SMAD4: variants seen among roughly 807,000 people sequenced by gnomAD.
SMAD4 encodes the protein SMAD family member 4, also known as MAD homolog 4.
A neutral mutation model predicts 63.2 loss-of-function variants in SMAD4; 7 were observed. The observed-to-expected ratio is 0.11, with a 90% CI of 0.06 to 0.21. The LOEUF (loss-of-function observed/expected upper bound fraction) is 0.21, where lower values mean the gene tolerates loss of function less well. Ranked by LOEUF, SMAD4 falls within the 10% of genes least tolerant of loss-of-function variation. The pLI, the probability that SMAD4 is intolerant of heterozygous loss-of-function variation, is 1.00. For synonymous variants in SMAD4, 215 were observed against 235.4 expected, an observed-to-expected ratio of 0.91 and a Z score of 0.79; for missense variants, 312 against 693.8, an observed-to-expected ratio of 0.45 and a Z score of 6.18.
chr18:51,076,891 GGAT>G, intron 11 of SMAD4, 115 bp downstream of exon 11: 7 of 749,516 alleles, frequency 9.3e-6, no homozygotes, highest in Non-Finnish European at 1.5e-5. Flanking sequence ...TTTTTTACTG[GGAT>G]GATGACATTT....
At chr18:51,076,973 G>C in intron 11 of SMAD4, 197 bp downstream of exon 11, 2 of 499,682 alleles carry the variant, frequency 4.0e-6, no homozygotes, top group Non-Finnish European at 7.1e-6. Context: ...CATTCTTTTT[G>C]TATCAAAAAT....
intron 6 of SMAD4, 22 bp from the exon 7 acceptor site, chr18:51,058,318 C>T: frequency 1.9e-6 from 3 of 1,609,226 alleles, no homozygotes; most frequent in Non-Finnish European, 2.5e-6. Flanking sequence ...GCAAATTAAC[C>T]CATGTGGGCC....
chr18:51,055,356 G>A (rs1909815500), intron 5 of SMAD4, among the ~76,000 whole-genome samples: 1 of 151,944 alleles, frequency 6.6e-6, no homozygotes, highest in Non-Finnish European at 1.5e-5. Flanking sequence ...CTTTTAATGC[G>A]GTGTTCTTAT....
chr18:51,076,572 C>G lies in SMAD4; in HGVS notation c.1309-66C>G, dbSNP rs967852472. 3.6e-6 allele frequency: 5 copies of G among 1,399,744 alleles called. No homozygotes were observed. The African/African-American group carries it at 7.1e-5, about 20-fold the overall frequency. 86.7% of individuals were successfully genotyped at this position (1,399,744 alleles called of 1,614,324 possible). A position where few individuals can be genotyped will look rare whatever the true frequency, so the allele number is the denominator to read the frequency against. Reference sequence around the variant, plus strand: ...GAAACTGAGTTTTAAATAAGTCAGGCATTGGTTTTTAATGTATGGAATTTT... The same window carrying G: ...GAAACTGAGTTTTAAATAAGTCAGGGATTGGTTTTTAATGTATGGAATTTT... On this transcript the variant is annotated intron_variant, in intron 10 of 11. Transcript: ENST00000342988.
intron 10 of SMAD4, among the ~76,000 whole-genome samples, chr18:51,072,431 G>C (rs1412996664): frequency 6.6e-6 from 1 of 151,970 alleles, no homozygotes; most frequent in East Asian, 1.9e-4. Flanking sequence ...CTAGGTCAGA[G>C]GGTATTATGA....
rs1910680904 is a variant in SMAD4 at position 51,084,008 on chromosome 18, GCGCGCA to G, written c.*5543_*5548del. On this transcript the variant is annotated 3_prime_UTR_variant, in exon 12 of 12. Transcript: ENST00000342988. Reference sequence around the variant, plus strand: ...ACACTTAACGCGCGTGCGCACGCGCGCGCGCACACACACACACACACACACACACAC... The same window carrying G: ...ACACTTAACGCGCGTGCGCACGCGCGCACACACACACACACACACACACAC... 4.6e-5 allele frequency: 3 copies of G among 65,518 alleles called. No individual in the cohort carries two copies. The highest frequency in any genetic ancestry group is 2.9e-4 in the Admixed American group (1 of 3,494). 4.1% of individuals were successfully genotyped at this position (65,518 alleles called of 1,614,324 possible).
intron 11 of SMAD4, among the ~76,000 whole-genome samples, chr18:51,077,818 C>T (rs538968005): frequency 6.6e-6 from 1 of 152,266 alleles, no homozygotes; most frequent in African/African-American, 2.4e-5. Context: ...TCTCGGTCAT[C>T]TAAGAGGTCT....
At chr18:51,032,635 C>T (rs1909084911) in intron 1 of SMAD4, among the ~76,000 whole-genome samples, 1 of 152,116 alleles carries the variant, frequency 6.6e-6, no homozygotes, top group South Asian at 2.1e-4. Context: ...GAGAATTAAC[C>T]TAATTTATGC....
At chr18:51,058,541 A>G in intron 7 of SMAD4, 85 bp downstream of exon 7, 1 of 881,770 alleles carries the variant, frequency 1.1e-6, no homozygotes, top group South Asian at 1.4e-5. Context: ...ATGTTTTTAC[A>G]TCTTTTATTC....
chr18:51,032,403 A>G (rs1342246443), intron 1 of SMAD4, among the ~76,000 whole-genome samples: 2 of 152,338 alleles, frequency 1.3e-5, no homozygotes, highest in Middle Eastern at 3.4e-3. Context: ...TGTGCCGAGA[A>G]AGTCACTTTG....
chr18:51,065,454 T>G lies in SMAD4; in HGVS notation c.987T>G (p.Phe329Leu), dbSNP rs572960016. The change falls in exon 9 of 12, where the codon TTT (phenylalanine) becomes TTG (leucine). Residue 329 changes from phenylalanine to leucine, a missense_variant. By Grantham distance (22) the Phe-to-Leu change is conservative (BLOSUM62 0). Around this residue, in one of 4 missense-constraint regions of SMAD4, gnomAD observed 92 missense variants for 305.9 expected, o/e 0.30. Transcript: ENST00000342988. Reference protein sequence around the residue: ...APEYWCSIAYFEMDVQVGETF... With the variant: ...APEYWCSIAYLEMDVQVGETF... Reference sequence around the variant, plus strand: ...AGTATTGGTGTTCCATTGCTTACTTTGAAATGGATGTTCAGGTAGGAGAGA... The same window carrying G: ...AGTATTGGTGTTCCATTGCTTACTTGGAAATGGATGTTCAGGTAGGAGAGA... 1 of 1,613,996 alleles carries G rather than the reference T, an allele frequency of 6.2e-7. No homozygotes were observed. Among genetic ancestry groups the G allele is most frequent in the South Asian group, 1.1e-5 (1 of 91,082 alleles).
At chr18:51,066,155 C>A (rs553595652) in intron 9 of SMAD4, among the ~76,000 whole-genome samples, 5 of 151,980 alleles carry the variant, frequency 3.3e-5, no homozygotes, top group Admixed American at 3.3e-4. Flanking sequence ...AGTTCGAGAC[C>A]AGCCTGGCCA....
At chr18:51,073,808 G>A (rs1318177203) in intron 10 of SMAD4, among the ~76,000 whole-genome samples, 1 of 152,078 alleles carries the variant, frequency 6.6e-6, no homozygotes, top group Non-Finnish European at 1.5e-5. Flanking sequence ...TGGGATTACA[G>A]GAGAGAGCCA....
rs1274420420 is a variant in SMAD4 at position 51,078,578 on chromosome 18, A to G, written c.*111A>G. 1 of 823,430 alleles carries G rather than the reference A, an allele frequency of 1.2e-6. No homozygotes were observed. Among genetic ancestry groups the G allele is most frequent in the Non-Finnish European group, 1.9e-6 (1 of 525,852 alleles). 51.0% of individuals were successfully genotyped at this position (823,430 alleles called of 1,614,324 possible). A position where few individuals can be genotyped will look rare whatever the true frequency, so the allele number is the denominator to read the frequency against. On this transcript the variant is annotated 3_prime_UTR_variant, in exon 12 of 12. Coordinates refer to ENST00000342988, the MANE Select transcript of SMAD4 (RefSeq NM_005359.6). ...CTTTTGTTCTGCTTTATCTTTTCATAAAGGGTTGAAAATGTGTTTGCTGCC... is the reference window on the plus strand; with the variant it reads ...CTTTTGTTCTGCTTTATCTTTTCATGAAGGGTTGAAAATGTGTTTGCTGCC...
intron 1 of SMAD4, among the ~76,000 whole-genome samples, chr18:51,035,846 A>AT (rs1399132049): frequency 2.6e-5 from 4 of 151,906 alleles, no homozygotes; most frequent in Non-Finnish European, 5.9e-5. Flanking sequence ...AAATAAAAAT[A>AT]TTTTTTCCCA....
intron 10 of SMAD4, among the ~76,000 whole-genome samples, chr18:51,071,588 G>A (rs771361082): frequency 3.9e-5 from 6 of 152,088 alleles, no homozygotes; most frequent in Admixed American, 6.6e-5. Context: ...AGCACTGGGC[G>A]TTTCAAGTTT....
chr18:51,045,159 G>C (rs2144396365), intron 1 of SMAD4: 1 of 152,356 alleles, frequency 6.6e-6, no homozygotes. Flanking sequence ...GTAACGGAAT[G>C]TAGGGATAGT....
rs1910627690 is a variant in SMAD4 at position 51,082,227 on chromosome 18, T to TC, written c.*3763dup. On this transcript the variant is annotated 3_prime_UTR_variant, in exon 12 of 12. Coordinates refer to ENST00000342988, the MANE Select transcript of SMAD4 (RefSeq NM_005359.6). ...CAGCTTAAAGTAATGCATTTTTTTTTCCCGTAAAGGCAGAATCCATCTTGT... is the reference window on the plus strand; with the variant it reads ...CAGCTTAAAGTAATGCATTTTTTTTTCCCCGTAAAGGCAGAATCCATCTTGT... 4.4e-6 allele frequency: 1 copy of TC among 229,666 alleles called. No individual in the cohort carries two copies. Among genetic ancestry groups the TC allele is most frequent in the East Asian group, 6.2e-5 (1 of 16,026 alleles). The allele number at this position is 229,666 out of a possible 1,614,324, so 14.2% of individuals were successfully genotyped here.
intron 1 of SMAD4, among the ~76,000 whole-genome samples, chr18:51,037,204 A>G (rs8094219): frequency 0.051 from 7,750 of 152,320 alleles, 691 homozygotes; most frequent in African/African-American, 0.17. Flanking sequence ...AAAGTTTTAT[A>G]AAATGTATTT....
Sources: allele counts gnomAD v4.1 joint callset (sites outside exome capture counted in the v4.1 genomes callset), GRCh38; gene constraint gnomAD v4.1.1; regional missense constraint gnomAD v4.1.1; transcripts MANE v1.5; gene names NCBI Gene and HGNC (gene_info 2026-07-23, HGNC 2026-07-21).